PLXNA4: variants seen among roughly 807,000 people sequenced by gnomAD.
PLXNA4 encodes the protein plexin A4, also known as plexin-A4.
A neutral mutation model predicts 191.8 loss-of-function variants in PLXNA4; 44 were observed. The observed-to-expected ratio is 0.23, with a 90% confidence interval of 0.18 to 0.29. The LOEUF (loss-of-function observed/expected upper bound fraction) is 0.29. PLXNA4 is among the 10% of genes least tolerant of loss of function. PLXNA4 has a pLI of 1.00. For missense variants in PLXNA4, 1,800 were observed against 2,488.8 expected, an observed-to-expected ratio of 0.72 and a Z score of 5.89; for synonymous variants, 1,082 against 1,009.5, an observed-to-expected ratio of 1.07 and a Z score of -1.36.
chr7:132,316,745 G>A (rs763765134), intron 3 of PLXNA4, among the ~76,000 whole-genome samples: 2 of 152,196 alleles, frequency 1.3e-5, no homozygotes, highest in Non-Finnish European at 2.9e-5. Flanking sequence ...TGAACCTGTT[G>A]TTCTTACCAT....
At position 132,457,276 on chromosome 7, in the gene PLXNA4, C is replaced by T. The variant is rs149753256; in HGVS notation, c.1371+32016G>A. Among the ~76,000 whole-genome samples, 345 of 152,276 alleles carry T rather than the reference C, an allele frequency of 2.3e-3. 3 individuals carry two copies. Among genetic ancestry groups the T allele is most frequent in the African/African-American group, 8.1e-3 (335 of 41,546 alleles). ...AATGTCCTTTTGCTGTTCCAGGATC[C>T]AATCCAAGATCCCACACTGCACTGA... On this transcript the variant is annotated intron_variant, in intron 3 of 31. Transcript: ENST00000321063.
chr7:132,517,747 A>T (rs1236819126), intron 1 of PLXNA4, among the ~76,000 whole-genome samples: 1 of 152,166 alleles, frequency 6.6e-6, no homozygotes, highest in Non-Finnish European at 1.5e-5. Context: ...CAGGATAGAG[A>T]AATCTTCCTG....
At chr7:132,397,679 T>A (rs1793821462) in intron 3 of PLXNA4, among the ~76,000 whole-genome samples, 2 of 152,196 alleles carry the variant, frequency 1.3e-5, no homozygotes, top group Admixed American at 1.3e-4. Context: ...CCACCTGAAA[T>A]ATGATGCTCT....
chr7:132,232,406 A>C (rs1584878049), intron 5 of PLXNA4, among the ~76,000 whole-genome samples: 1 of 151,830 alleles, frequency 6.6e-6, no homozygotes, highest in Non-Finnish European at 1.5e-5. Flanking sequence ...TGCCAGTGTC[A>C]CCCCCGCCCC....
At chr7:132,432,218 G>T (rs934609470) in intron 3 of PLXNA4, among the ~76,000 whole-genome samples, 1 of 152,126 alleles carries the variant, frequency 6.6e-6, no homozygotes, top group Non-Finnish European at 1.5e-5. Context: ...CCAGTCACTC[G>T]TGGCATTCTC....
chr7:132,434,676 A>AC (rs1795401237), intron 3 of PLXNA4, among the ~76,000 whole-genome samples: 1 of 152,194 alleles, frequency 6.6e-6, no homozygotes, highest in Non-Finnish European at 1.5e-5. Flanking sequence ...AAGAACATGA[A>AC]CCCCATCTTG....
chr7:132,316,526 T>C (rs1801951276), intron 3 of PLXNA4, among the ~76,000 whole-genome samples: 1 of 152,124 alleles, frequency 6.6e-6, no homozygotes, highest in Admixed American at 6.5e-5. Context: ...GCCTATAAAG[T>C]ACTTAATCAA....
intron 10 of PLXNA4, among the ~76,000 whole-genome samples, chr7:132,206,781 G>GGGCTCCCGTCCCCCA (rs1337265424): frequency 6.6e-6 from 1 of 152,042 alleles, no homozygotes; most frequent in Non-Finnish European, 1.5e-5. Context: ...CCTGGACCAC[G>GGGCTCCCGTCCCCCA]GGCTCCCGTC....
chr7:132,151,054 G>A (rs1795581859), intron 25 of PLXNA4, among the ~76,000 whole-genome samples: 1 of 152,194 alleles, frequency 6.6e-6, no homozygotes, highest in African/African-American at 2.4e-5. Context: ...TATGGAGAGA[G>A]GGGGCTGGAA....
At chr7:132,436,213 C>T (rs894788634) in intron 3 of PLXNA4, among the ~76,000 whole-genome samples, 3 of 152,250 alleles carry the variant, frequency 2.0e-5, no homozygotes, top group Admixed American at 1.3e-4. Flanking sequence ...ATTCATCTGG[C>T]AATCACCCAA....
intron 31 of PLXNA4, among the ~76,000 whole-genome samples, chr7:132,132,261 A>AT (rs1355071008): frequency 6.6e-6 from 1 of 152,238 alleles, no homozygotes; most frequent in East Asian, 1.9e-4. Context: ...GACCCCATGC[A>AT]TAGGCAAGAA....
At chr7:132,223,020 A>G (rs929161234) in intron 9 of PLXNA4, among the ~76,000 whole-genome samples, 1 of 152,182 alleles carries the variant, frequency 6.6e-6, no homozygotes, top group Non-Finnish European at 1.5e-5. Flanking sequence ...GCTGATGCAG[A>G]TTCTGCTAGT....
chr7:132,295,833 C>T (rs1242581733), intron 4 of PLXNA4, among the ~76,000 whole-genome samples: 2 of 152,226 alleles, frequency 1.3e-5, no homozygotes, highest in Non-Finnish European at 1.5e-5. Context: ...CAAGCACTTA[C>T]TCTGTGCCAG....
At chr7:132,588,681 G>GA (rs1300223018) in intron 2 of PLXNA4, among the ~76,000 whole-genome samples, 4 of 108,682 alleles carry the variant, frequency 3.7e-5, no homozygotes, top group South Asian at 3.9e-4. Context: ...GAAGGGAAGG[G>GA]AGGAGGGAGG....
intron 4 of PLXNA4, among the ~76,000 whole-genome samples, chr7:132,265,506 G>T (rs1371073379): frequency 6.6e-6 from 1 of 152,162 alleles, no homozygotes; most frequent in Admixed American, 6.5e-5. Flanking sequence ...AATATGAAGG[G>T]TGTGTATGGG....
intron 3 of PLXNA4, among the ~76,000 whole-genome samples, chr7:132,451,625 C>A (rs1182972117): frequency 3.9e-5 from 6 of 152,108 alleles, no homozygotes; most frequent in Non-Finnish European, 7.4e-5. Flanking sequence ...CCTGATGGGC[C>A]CAGTGGGTAA....
intron 3 of PLXNA4, among the ~76,000 whole-genome samples, chr7:132,338,307 G>C (rs78730255): frequency 0.01 from 1,535 of 152,276 alleles, 27 homozygotes; most frequent in African/African-American, 0.035. Context: ...CTCTAAATGC[G>C]TAGATGAAAC....
chr7:132,155,649 C>T (rs1287113632), intron 25 of PLXNA4, among the ~76,000 whole-genome samples: 1 of 152,168 alleles, frequency 6.6e-6, no homozygotes, highest in South Asian at 2.1e-4. Context: ...TACCTGGGCA[C>T]TGTGCCTTAG....
At position 132,311,191 on chromosome 7, in the gene PLXNA4, T is replaced by TGC. The variant is rs1263486744; in HGVS notation, c.1372-12970_1372-12969insGC. On this transcript the variant is annotated intron_variant, in intron 3 of 31. Coordinates refer to ENST00000321063, the MANE Select transcript of PLXNA4 (RefSeq NM_020911.2). Reference sequence around the variant, plus strand: ...GTGTGTGTGTGTGTGTGTGTGTGTGTGTGCGCGTGTGGCCTAAAGGAGGGT... The same window carrying TGC: ...GTGTGTGTGTGTGTGTGTGTGTGTGTGCGTGCGCGTGTGGCCTAAAGGAGGGT... Among the ~76,000 whole-genome samples the TGC allele has an allele frequency of 1.8e-4, 23 of 128,544 alleles. 1 individual carries two copies. Among genetic ancestry groups the TGC allele is most frequent in the African/African-American group, 6.5e-4 (22 of 33,612 alleles). 84.3% of individuals were successfully genotyped at this position (128,544 alleles called of 152,430 possible). A position where few individuals can be genotyped will look rare whatever the true frequency, so the allele number is the denominator to read the frequency against.
Sources: allele counts gnomAD v4.1 joint callset (sites outside exome capture counted in the v4.1 genomes callset), GRCh38; gene constraint gnomAD v4.1.1; transcripts MANE v1.5; gene names NCBI Gene and HGNC (gene_info 2026-07-23, HGNC 2026-07-21).